The following NLGN4X variants were observed in gnomAD, a reference collection of about 807,000 sequenced individuals.
NLGN4X encodes the protein neuroligin-4, X-linked.
A neutral mutation model predicts 40.3 loss-of-function variants in NLGN4X; 3 were observed. That is an observed-to-expected ratio of 0.07 (90% CI 0.03 to 0.19). NLGN4X has a LOEUF of 0.19. NLGN4X is among the 10% of genes least tolerant of loss of function. The pLI is 1.00. For synonymous variants in NLGN4X, 270 were observed against 306.8 expected (o/e 0.88, Z 1.25); for missense variants, 382 against 708.3 (o/e 0.54, Z 5.23).
chrX:6,044,509 T>G (rs142686313), intron 2 of NLGN4X, among the ~76,000 whole-genome samples: 1 of 111,983 alleles, frequency 8.9e-6, no homozygotes, highest in Non-Finnish European at 1.9e-5. Context: ...TACAAACTGC[T>G]AAAATTGTGG....
chrX:5,904,504 G>C (rs1569120108), intron 4 of NLGN4X, among the ~76,000 whole-genome samples: 1 of 111,789 alleles, frequency 8.9e-6, no homozygotes, highest in East Asian at 2.8e-4. Context: ...TATTTTTTAG[G>C]TCACTTCTTT....
rs1569134502 is a variant in NLGN4X at position 5,925,889 on chromosome X, T to TATATATATATATACATACAC, written c.626-16651_626-16650insGTGTATGTATATATATATAT. ...ATATATATACATACACACATATATATATATATATATATATATATATATATA... is the reference window on the plus strand; with the variant it reads ...ATATATATACATACACACATATATATATATATATATATACATACACATATATATATATATATATATATATA... On this transcript the variant is annotated intron_variant, in intron 3 of 5. Transcript: ENST00000381095. Among the ~76,000 whole-genome samples, 3 of 8,892 alleles carry TATATATATATATACATACAC rather than the reference T, an allele frequency of 3.4e-4. No homozygotes were observed. The African/African-American group carries it at 3.7e-3, about 11-fold the overall frequency. The allele number at this position is 8,892 out of a possible 115,157, so 7.7% of individuals were successfully genotyped here. A position where few individuals can be genotyped will look rare whatever the true frequency, so the allele number is the denominator to read the frequency against.
chrX:5,895,619 A>G (rs956031835), intron 5 of NLGN4X, among the ~76,000 whole-genome samples: 2 of 111,210 alleles, frequency 1.8e-5, no homozygotes, highest in Non-Finnish European at 3.8e-5. Flanking sequence ...GTGTATGTGT[A>G]TATCTATCTA....
intron 3 of NLGN4X, among the ~76,000 whole-genome samples, chrX:5,931,067 C>T (rs893571995): frequency 8.9e-6 from 1 of 111,794 alleles, no homozygotes; most frequent in African/African-American, 3.3e-5. Context: ...TGTTTTAATA[C>T]ACCACAAAGA....
chrX:6,055,891 T>C (rs945486358), intron 2 of NLGN4X, among the ~76,000 whole-genome samples: 1 of 111,818 alleles, frequency 8.9e-6, no homozygotes, highest in Non-Finnish European at 1.9e-5. Flanking sequence ...TTTAATTCAT[T>C]GTCTGCCATG....
intron 3 of NLGN4X, among the ~76,000 whole-genome samples, chrX:5,931,113 G>A: frequency 8.9e-6 from 1 of 112,157 alleles, no homozygotes; most frequent in East Asian, 2.8e-4. Flanking sequence ...ATATAGTGAT[G>A]GGTTGGGAGG....
At chrX:6,166,653 A>C (rs1339006255) in intron 1 of NLGN4X, among the ~76,000 whole-genome samples, 1 of 110,594 alleles carries the variant, frequency 9.0e-6, no homozygotes, top group Admixed American at 9.8e-5. Flanking sequence ...CAAAGGTTAC[A>C]GCTTTCTGCT....
intron 3 of NLGN4X, among the ~76,000 whole-genome samples, chrX:5,927,942 C>T (rs2033395241): frequency 8.9e-6 from 1 of 112,365 alleles, no homozygotes; most frequent in Admixed American, 9.5e-5. Context: ...CATGGCATCT[C>T]TTTGTAGAAT....
In NLGN4X at chrX:5,921,133, T is replaced by TTATATATATATATACATATATATATA. The variant is rs1555919724; in HGVS notation, c.626-11920_626-11895dup. 9.3e-3 allele frequency among the ~76,000 whole-genome samples: 603 copies of TTATATATATATATACATATATATATA among 64,862 alleles called. 5 individuals are homozygous for TTATATATATATATACATATATATATA. Among genetic ancestry groups the TTATATATATATATACATATATATATA allele is most frequent in the African/African-American group, 0.037 (549 of 14,735 alleles). The allele number at this position is 64,862 out of a possible 115,157, so 56.3% of individuals were successfully genotyped here. On this transcript the variant is annotated intron_variant, in intron 3 of 5. Transcript: ENST00000381095. ...CAAGATCACATATGGTAAGTATTTT[T>TTATATATATATATACATATATATATA]TATATATATATATACATATATATAT...
intron 5 of NLGN4X, among the ~76,000 whole-genome samples, chrX:5,897,681 C>T (rs2031578532): frequency 8.9e-6 from 1 of 111,742 alleles, no homozygotes; most frequent in Non-Finnish European, 1.9e-5. Flanking sequence ...TTACTTGAGG[C>T]CCTGGCATTC....
At chrX:5,941,379 C>T (rs1370545221) in intron 3 of NLGN4X, among the ~76,000 whole-genome samples, 1 of 111,174 alleles carries the variant, frequency 9.0e-6, no homozygotes, top group Non-Finnish European at 1.9e-5. Flanking sequence ...CAGATTGCTT[C>T]TGACAACTGA....
intron 2 of NLGN4X, among the ~76,000 whole-genome samples, chrX:6,096,590 G>C (rs1423169633): frequency 8.9e-6 from 1 of 111,937 alleles, no homozygotes; most frequent in East Asian, 2.8e-4. Flanking sequence ...GCCACTTGAA[G>C]AAGAGCGGAC....
At chrX:6,193,408 C>CAAAAA (rs60328753) in intron 1 of NLGN4X, among the ~76,000 whole-genome samples, 2 of 28,334 alleles carry the variant, frequency 7.1e-5, no homozygotes, top group East Asian at 1.3e-3. Flanking sequence ...GACTCCGTCT[C>CAAAAA]AAAAAAAAAA....
intron 2 of NLGN4X, among the ~76,000 whole-genome samples, chrX:6,134,409 A>G (rs2039765075): frequency 9.0e-6 from 1 of 111,078 alleles, no homozygotes; most frequent in Admixed American, 9.6e-5. Flanking sequence ...TCCTTAGTGC[A>G]TTTTCACCCT....
intron 4 of NLGN4X, among the ~76,000 whole-genome samples, chrX:5,904,076 T>TACACAC (rs368748482): frequency 1.8e-5 from 2 of 108,473 alleles, no homozygotes; most frequent in Non-Finnish European, 1.9e-5. Flanking sequence ...AATGTTATTC[T>TACACAC]ACACACACAC....
At chrX:5,979,112 C>G (rs1459836180) in intron 3 of NLGN4X, among the ~76,000 whole-genome samples, 6 of 111,511 alleles carry the variant, frequency 5.4e-5, no homozygotes, top group Non-Finnish European at 1.1e-4. Context: ...CTCAGGCAAA[C>G]AGTTATCTGC....
intron 5 of NLGN4X, among the ~76,000 whole-genome samples, chrX:5,899,599 G>A (rs753064613): frequency 1.4e-4 from 16 of 111,243 alleles, no homozygotes; most frequent in African/African-American, 5.2e-4. Context: ...CCTTCGTGAT[G>A]TCTTGGTAAA....
At chrX:6,018,914 T>C (rs2036463800) in intron 3 of NLGN4X, among the ~76,000 whole-genome samples, 1 of 112,469 alleles carries the variant, frequency 8.9e-6, no homozygotes, top group South Asian at 3.6e-4. Context: ...ATTCCTGACT[T>C]TTTACACTGA....
intron 2 of NLGN4X, among the ~76,000 whole-genome samples, chrX:6,062,275 C>A (rs945961263): frequency 1.8e-5 from 2 of 111,381 alleles, no homozygotes; most frequent in Non-Finnish European, 3.8e-5. Flanking sequence ...GCAAATCTTA[C>A]TTCAAATGTA....
Sources: gnomAD v4.1 joint callset for allele counts (sites outside exome capture counted in the v4.1 genomes callset) on GRCh38, gnomAD v4.1.1 for gene constraint, MANE v1.5 for transcripts, NCBI Gene and HGNC (gene_info 2026-07-23, HGNC 2026-07-21) for gene names.